DAB1: variants seen among roughly 807,000 people sequenced by gnomAD.
DAB1 encodes disabled homolog 1.
Under a neutral mutation model 64.6 loss-of-function variants are expected in DAB1, and 15 were observed. That is an observed-to-expected ratio of 0.23 (90% CI 0.16 to 0.36). The LOEUF (loss-of-function observed/expected upper bound fraction) is 0.36, where lower values mean the gene tolerates loss of function less well. Among genes scored for constraint, DAB1 ranks in the 10% least tolerant of loss-of-function variants. DAB1 has a pLI of 1.00. For synonymous variants in DAB1, 235 were observed against 251.9 expected, an observed-to-expected ratio of 0.93 and a Z score of 0.64; for missense variants, 596 against 706.7, an observed-to-expected ratio of 0.84 and a Z score of 1.78.
At chr1:57,976,361 C>G (rs1243069055) in intron 5 of DAB1, among the ~76,000 whole-genome samples, 1 of 152,178 alleles carries the variant, frequency 6.6e-6, no homozygotes, top group African/African-American at 2.4e-5. Context: ...GAGGCACAAG[C>G]AAAGCTTCAA....
chr1:58,440,142 G>A (rs113543577), intron 3 of DAB1, among the ~76,000 whole-genome samples: 1,933 of 152,286 alleles, frequency 0.013, 46 homozygotes, highest in African/African-American at 0.044. Context: ...GAATTGCCTG[G>A]GAAGATTTCC....
chr1:58,166,296 C>T (rs1465729099), intron 4 of DAB1, among the ~76,000 whole-genome samples: 1 of 152,136 alleles, frequency 6.6e-6, no homozygotes, highest in Non-Finnish European at 1.5e-5. Flanking sequence ...CAAAAAGATG[C>T]CTGTGTCTGT....
intron 1 of DAB1, among the ~76,000 whole-genome samples, chr1:57,403,856 C>T (rs1476853875): frequency 6.6e-6 from 1 of 152,152 alleles, no homozygotes; most frequent in Non-Finnish European, 1.5e-5. Flanking sequence ...TTTTCAGTTT[C>T]TCAGTCTCAC....
chr1:58,443,193 C>T (rs1364626034), intron 3 of DAB1, among the ~76,000 whole-genome samples: 1 of 152,212 alleles, frequency 6.6e-6, no homozygotes, highest in African/African-American at 2.4e-5. Context: ...CACATACTCA[C>T]ACATGCTTTT....
At chr1:57,378,734 A>G (rs1681111874) in intron 1 of DAB1, among the ~76,000 whole-genome samples, 1 of 152,202 alleles carries the variant, frequency 6.6e-6, no homozygotes, top group Non-Finnish European at 1.5e-5. Context: ...GCAATGCATT[A>G]GGGAGAAGAA....
At chr1:57,147,203 T>C (rs1478434810) in intron 2 of DAB1, among the ~76,000 whole-genome samples, 1 of 151,922 alleles carries the variant, frequency 6.6e-6, no homozygotes, top group Non-Finnish European at 1.5e-5. Context: ...GCTATATTTT[T>C]GTAGAGATGG....
chr1:58,180,253 G>C (rs182559385), intron 4 of DAB1, among the ~76,000 whole-genome samples: 5 of 135,486 alleles, frequency 3.7e-5, no homozygotes, highest in Admixed American at 3.0e-4. Flanking sequence ...AATGGTCTGA[G>C]ATCTTTCTTT....
intron 4 of DAB1, among the ~76,000 whole-genome samples, chr1:58,189,020 G>C (rs553924567): frequency 2.6e-5 from 4 of 152,090 alleles, no homozygotes; most frequent in African/African-American, 9.7e-5. Flanking sequence ...ATTGCTTGTT[G>C]TTTTTTTACA....
At chr1:58,334,459 T>C (rs1471579652) in intron 4 of DAB1, among the ~76,000 whole-genome samples, 1 of 151,934 alleles carries the variant, frequency 6.6e-6, no homozygotes, top group Non-Finnish European at 1.5e-5. Context: ...CCATACATAC[T>C]GTCATAACTC....
At chr1:58,016,696 T>A (rs1273841987) in intron 5 of DAB1, among the ~76,000 whole-genome samples, 1 of 152,138 alleles carries the variant, frequency 6.6e-6, no homozygotes, top group Non-Finnish European at 1.5e-5. Flanking sequence ...TTGTCATTAG[T>A]CAGCCAGCCA....
chr1:57,567,121 C>T (rs948847007), intron 7 of DAB1, among the ~76,000 whole-genome samples: 1 of 152,184 alleles, frequency 6.6e-6, no homozygotes, highest in African/African-American at 2.4e-5. Flanking sequence ...GCTGGTTCAA[C>T]ATATACAAAT....
At chr1:57,101,662 C>G (rs1370152042) in intron 4 of DAB1, among the ~76,000 whole-genome samples, 2 of 152,242 alleles carry the variant, frequency 1.3e-5, no homozygotes, top group Non-Finnish European at 2.9e-5. Flanking sequence ...TCCATCCACT[C>G]ATCCTTCCAC....
At chr1:57,037,809 G>A (rs1647225996) in intron 9 of DAB1, among the ~76,000 whole-genome samples, 1 of 152,108 alleles carries the variant, frequency 6.6e-6, no homozygotes, top group Non-Finnish European at 1.5e-5. Flanking sequence ...GAAGAACAAG[G>A]GCAAGTGGCT....
intron 5 of DAB1, among the ~76,000 whole-genome samples, chr1:57,958,295 A>T (rs1444784367): frequency 2.0e-5 from 3 of 152,218 alleles, no homozygotes; most frequent in African/African-American, 7.2e-5. Context: ...CTTTTTAAAA[A>T]TCATTTTAAT....
At chr1:57,677,321 T>C (rs1646579819) in intron 6 of DAB1, among the ~76,000 whole-genome samples, 1 of 152,214 alleles carries the variant, frequency 6.6e-6, no homozygotes, top group African/African-American at 2.4e-5. Context: ...TCACTGTCTC[T>C]CTTTCTTTAC....
At chr1:58,248,249 C>A (rs757303700) in intron 4 of DAB1, among the ~76,000 whole-genome samples, 1 of 152,180 alleles carries the variant, frequency 6.6e-6, no homozygotes, top group Non-Finnish European at 1.5e-5. Context: ...TGGCGAGCCC[C>A]CATTCCTTTC....
At chr1:58,499,911 C>T (rs1246503417) in intron 3 of DAB1, among the ~76,000 whole-genome samples, 2 of 151,586 alleles carry the variant, frequency 1.3e-5, no homozygotes, top group African/African-American at 2.4e-5. Flanking sequence ...TATTACATAT[C>T]AAGTAAAACA....
chr1:57,089,718 A>G (rs11206971), intron 4 of DAB1, among the ~76,000 whole-genome samples: 43,462 of 152,028 alleles, frequency 0.29, 6,640 homozygotes, highest in East Asian at 0.53. Context: ...AACATTGGGG[A>G]TTACATCTTA....
intron 3 of DAB1, among the ~76,000 whole-genome samples, chr1:58,376,679 T>C (rs1417278682): frequency 7.1e-6 from 1 of 140,538 alleles, no homozygotes. Context: ...GAGAGTTCTG[T>C]AGATGTCTAT....
Sources: gnomAD v4.1 joint callset for allele counts (sites outside exome capture counted in the v4.1 genomes callset) on GRCh38, gnomAD v4.1.1 for gene constraint, MANE v1.5 for transcripts, NCBI Gene and HGNC (gene_info 2026-07-23, HGNC 2026-07-21) for gene names.